Variants in SYTL5 observed in about 807,000 individuals in gnomAD.
The protein encoded by SYTL5 is synaptotagmin like 5.
Under a neutral mutation model 55.9 loss-of-function variants are expected in SYTL5, and 34 were observed. The ratio of observed to expected loss-of-function variants is 0.61; its 90% CI spans 0.46 to 0.81. The LOEUF (loss-of-function observed/expected upper bound fraction) is 0.81. Ranked by LOEUF, SYTL5 falls within the 30% of genes least tolerant of loss-of-function variation. The probability of loss-of-function intolerance (pLI) is 0.00; values close to 1 mark genes in which losing one functional copy is unlikely to be tolerated. For missense variants in SYTL5, 637 were observed against 546.7 expected (o/e 1.17, Z -1.65); for synonymous variants, 221 against 188.7 (o/e 1.17, Z -1.40).
At chrX:37,891,553 G>T in the SYTL5 span, among the ~76,000 whole-genome samples, 1 of 111,610 alleles carries the variant, frequency 9.0e-6, no homozygotes, top group Non-Finnish European at 1.9e-5. Context: ...ATTGATTGTG[G>T]TGATGGCTGT....
the SYTL5 span, among the ~76,000 whole-genome samples, chrX:37,973,725 C>G: frequency 1.8e-5 from 2 of 110,230 alleles, no homozygotes; most frequent in Admixed American, 1.9e-4. Context: ...ACCTCTGCCT[C>G]CCGGGTTCAA....
At chrX:37,905,441 G>T in the SYTL5 span, among the ~76,000 whole-genome samples, 2 of 107,372 alleles carry the variant, frequency 1.9e-5, no homozygotes, top group Admixed American at 9.8e-5. Flanking sequence ...GTGTGTGTGG[G>T]GGGGGCGTGG....
chrX:37,955,621 A>T, the SYTL5 span, among the ~76,000 whole-genome samples: 1 of 112,130 alleles, frequency 8.9e-6, no homozygotes, highest in Non-Finnish European at 1.9e-5. Flanking sequence ...TTTTTAGTTG[A>T]GACTCACCCT....
chrX:38,089,637 T>C (rs1458817845), intron 7 of SYTL5, 50 bp downstream of exon 7: 2 of 1,116,061 alleles, frequency 1.8e-6, no homozygotes, highest in South Asian at 4.2e-5. Context: ...CTCACACTGC[T>C]ATAAAGAACT....
At chrX:37,954,641 G>A in the SYTL5 span, among the ~76,000 whole-genome samples, 1 of 111,783 alleles carries the variant, frequency 8.9e-6, no homozygotes, top group Non-Finnish European at 1.9e-5. Flanking sequence ...TATAACTCTT[G>A]GACCATGCTG....
At chrX:37,937,138 T>C in the SYTL5 span, among the ~76,000 whole-genome samples, 1 of 109,994 alleles carries the variant, frequency 9.1e-6, no homozygotes, top group Non-Finnish European at 1.9e-5. Context: ...CCCCAGGACC[T>C]GTGAAGGTAA....
chrX:37,985,088 C>G, the SYTL5 span, among the ~76,000 whole-genome samples: 2 of 112,007 alleles, frequency 1.8e-5, no homozygotes, highest in African/African-American at 3.2e-5. Context: ...TCTGCTCTAA[C>G]CACTTCTACT....
chrX:37,943,405 T>C, the SYTL5 span, among the ~76,000 whole-genome samples: 1 of 111,367 alleles, frequency 9.0e-6, no homozygotes, highest in Non-Finnish European at 1.9e-5. Flanking sequence ...GGAAGGAGAC[T>C]GGGCTTAACT....
chrX:37,977,274 T>C, the SYTL5 span, among the ~76,000 whole-genome samples: 1 of 110,100 alleles, frequency 9.1e-6, no homozygotes, highest in African/African-American at 3.3e-5. Flanking sequence ...CCTAGAGAAA[T>C]TAGTGGAGAC....
chrX:38,005,275 C>T (rs147490955), upstream of SYTL5, among the ~76,000 whole-genome samples: 2,098 of 111,276 alleles, frequency 0.019, 60 homozygotes, highest in African/African-American at 0.065. Flanking sequence ...ATAGCAGAGT[C>T]TTTACACTAT....
rs759693321 is a variant in SYTL5, at chrX:38,120,467, G to A, written c.1705+1G>A. On this transcript the variant is annotated splice_donor_variant, in intron 14 of 16. Transcript: ENST00000297875. LOFTEE classifies it high-confidence loss of function. The stretch of plus-strand genomic sequence containing the variant: ...ATGCTTCCACCAGAACAACTCCAAG[G>A]TAGAGTAAAAATCAATGACTTTGAT... 8.5e-7 allele frequency: 1 copy of A among 1,176,536 alleles called. No homozygotes were observed. The highest frequency in any genetic ancestry group is 1.8e-5 in the African/African-American group (1 of 56,531).
At chrX:38,120,843 C>T (rs969515738) in intron 14 of SYTL5, among the ~76,000 whole-genome samples, 1 of 111,105 alleles carries the variant, frequency 9.0e-6, no homozygotes, top group Non-Finnish European at 1.9e-5. Context: ...AGAAGTTGAT[C>T]TAGAACACAG....
chrX:37,934,581 G>C, the SYTL5 span, among the ~76,000 whole-genome samples: 1 of 108,626 alleles, frequency 9.2e-6, no homozygotes, highest in African/African-American at 3.3e-5. Context: ...ATTCATAATG[G>C]GAGTCCTAAT....
chrX:38,070,125 G>T (rs781489539), intron 3 of SYTL5, among the ~76,000 whole-genome samples: 3 of 111,559 alleles, frequency 2.7e-5, no homozygotes, highest in Non-Finnish European at 5.7e-5. Flanking sequence ...GTAGTGGAAT[G>T]GTGTTTCATA....
the SYTL5 span, among the ~76,000 whole-genome samples, chrX:37,933,613 G>C: frequency 8.9e-6 from 1 of 111,983 alleles, no homozygotes; most frequent in South Asian, 3.7e-4. Flanking sequence ...GGCAATTGTT[G>C]AACCTTGAAG....
At chrX:38,115,554 T>C (rs1015999311) in intron 13 of SYTL5, among the ~76,000 whole-genome samples, 6 of 109,321 alleles carry the variant, frequency 5.5e-5, no homozygotes, top group Non-Finnish European at 3.8e-5. Flanking sequence ...TGTAGTGGGA[T>C]TGCTAGGTCA....
At chrX:37,905,187 A>T in the SYTL5 span, among the ~76,000 whole-genome samples, 59 of 110,492 alleles carry the variant, frequency 5.3e-4, no homozygotes, top group Non-Finnish European at 9.3e-4. Context: ...TAGGAAGGTG[A>T]CCCCTGGCAC....
chrX:38,125,543 C>A, intron 16 of SYTL5, 37 bp downstream of exon 16: 1 of 1,108,974 alleles, frequency 9.0e-7, no homozygotes, highest in Non-Finnish European at 1.2e-6. Flanking sequence ...TGGTCTGTGA[C>A]TAGGCCCAGG....
chrX:38,040,253 C>G (rs1024126550), intron 2 of SYTL5, among the ~76,000 whole-genome samples: 1 of 111,064 alleles, frequency 9.0e-6, no homozygotes, highest in Non-Finnish European at 1.9e-5. Context: ...TGTTTTGATA[C>G]AGGCATGCCA....
Sources: allele counts gnomAD v4.1 joint callset (sites outside exome capture counted in the v4.1 genomes callset), GRCh38; gene constraint gnomAD v4.1.1; transcripts MANE v1.5; gene names NCBI Gene and HGNC (gene_info 2026-07-23, HGNC 2026-07-21).